DEAF1: variants seen among roughly 807,000 people sequenced by gnomAD.
DEAF1 encodes DEAF1 transcription factor, also known as deformed epidermal autoregulatory factor 1 homolog.
A neutral mutation model predicts 58.9 loss-of-function variants in DEAF1; 53 were observed. The ratio of observed to expected loss-of-function variants is 0.90; its 90% confidence interval spans 0.72 to 1.13. The LOEUF is 1.13. Ranked by LOEUF, DEAF1 falls within the 50% of genes most tolerant of loss-of-function variation. The pLI, the probability that DEAF1 is intolerant of heterozygous loss-of-function variation, is 0.00. For missense variants in DEAF1, 685 were observed against 791.4 expected (o/e 0.87, Z 1.61); for synonymous variants, 385 against 340.4 (o/e 1.13, Z -1.44).
upstream of DEAF1, among the ~76,000 whole-genome samples, chr11:697,137 C>A (rs1038260384): frequency 3.1e-5 from 4 of 130,236 alleles, no homozygotes; most frequent in Non-Finnish European, 6.9e-5. Flanking sequence ...GCCTGTGGTC[C>A]CAGCTACGTG....
Position 644,364 on chromosome 11 carries a change from G to A in DEAF1, c.*186C>T. 1 of 646,234 alleles carries A rather than the reference G, an allele frequency of 1.5e-6. No homozygotes were observed. Among genetic ancestry groups the A allele is most frequent in the East Asian group, 2.7e-5 (1 of 36,542 alleles). 40.0% of individuals were successfully genotyped at this position (646,234 alleles called of 1,614,324 possible). On this transcript the variant is annotated 3_prime_UTR_variant, in exon 12 of 12. Transcript: ENST00000382409. This position sits in a 1 kb window ranked among gnomAD's most constrained non-coding sequence, Gnocchi z 4.3. Reference sequence around the variant, plus strand: ...GTCCGCGAGCGGGCAGGGGGCCCGGGCAGGGGGAGTGCGCTTCCCAGGGCA... The same window carrying A: ...GTCCGCGAGCGGGCAGGGGGCCCGGACAGGGGGAGTGCGCTTCCCAGGGCA...
chr11:695,555 A>G (rs1458382806), upstream of DEAF1: 2 of 1,215,224 alleles, frequency 1.6e-6, no homozygotes, highest in Non-Finnish European at 2.1e-6. Flanking sequence ...CCGCCGGCGG[A>G]AGCCGAGTCA....
chr11:679,638 C>G, intron 8 of DEAF1, 50 bp downstream of exon 8: 1 of 1,604,114 alleles, frequency 6.2e-7, no homozygotes, highest in South Asian at 1.1e-5. Context: ...TGTGATGTCA[C>G]AGACAGGGAT....
At chr11:700,022 T>C, upstream of DEAF1, 3 of 748,968 alleles carry the variant, frequency 4.0e-6, no homozygotes, top group South Asian at 5.1e-5. Flanking sequence ...TTGCCAAGAC[T>C]CCATGGTCCC....
intron 8 of DEAF1, 94 bp from the exon 9 acceptor site, chr11:678,916 A>G: frequency 6.6e-7 from 1 of 1,525,046 alleles, no homozygotes; most frequent in Admixed American, 1.9e-5. Flanking sequence ...TTCAGTACAC[A>G]TAGTAGCTTA....
intron 10 of DEAF1, among the ~76,000 whole-genome samples, chr11:673,746 T>A (rs1859933379): frequency 6.6e-6 from 1 of 152,134 alleles, no homozygotes; most frequent in African/African-American, 2.4e-5. Flanking sequence ...CTCTCTCACC[T>A]TCTCGTCCCC....
intron 11 of DEAF1, among the ~76,000 whole-genome samples, chr11:650,189 A>G (rs1858699926): frequency 6.6e-6 from 1 of 151,948 alleles, no homozygotes; most frequent in Non-Finnish European, 1.5e-5. Context: ...AGCCTGGCCA[A>G]CATGGTGAAA....
chr11:679,569 G>A lies in DEAF1; in HGVS notation c.1126+119C>T. 3.3e-6 allele frequency: 5 copies of A among 1,501,986 alleles called. No homozygotes were observed. In the East Asian group the frequency reaches 6.8e-5, roughly 20 times the overall value. The allele number at this position is 1,501,986 out of a possible 1,614,324, so 93.0% of individuals were successfully genotyped here. ...ACGCTGTCCCCACCAACAAACGCCT[G>A]GTTCAAGGCCCCTCTCGAGGCACCC... On this transcript the variant is annotated intron_variant, in intron 8 of 11. Transcript: ENST00000382409.
At chr11:660,707 G>C (rs1159991396) in intron 10 of DEAF1, among the ~76,000 whole-genome samples, 1 of 152,262 alleles carries the variant, frequency 6.6e-6, no homozygotes, top group Admixed American at 6.5e-5. Context: ...GTTTGATGCG[G>C]AACAGGTGAC....
At chr11:691,412 CG>C (rs1860828910) in intron 2 of DEAF1, 88 bp downstream of exon 2, 1 of 1,215,386 alleles carries the variant, frequency 8.2e-7, no homozygotes, top group Non-Finnish European at 1.2e-6. Context: ...GTTCACACAG[CG>C]GGCTGAACCC....
intron 1 of DEAF1, chr11:701,118 G>A (rs541996477): frequency 4.6e-6 from 1 of 217,328 alleles, no homozygotes; most frequent in East Asian, 1.1e-4. Flanking sequence ...AGAGTCTGGA[G>A]GGGTGGGAGC....
At chr11:673,272 A>T (rs1454923306) in intron 10 of DEAF1, among the ~76,000 whole-genome samples, 1 of 152,250 alleles carries the variant, frequency 6.6e-6, no homozygotes, top group Admixed American at 6.5e-5. Context: ...CACATCTGCA[A>T]TCCCAGTACT....
At position 646,932 on chromosome 11, in the gene DEAF1, T is replaced by C. The variant is rs1214144138; in HGVS notation, c.1594-2278A>G. Among the ~76,000 whole-genome samples the C allele has an allele frequency of 7.9e-5, 12 of 152,102 alleles. 1 individual carries two copies. The highest frequency in any genetic ancestry group is 7.9e-4 in the Admixed American group (12 of 15,234). On this transcript the variant is annotated intron_variant, in intron 11 of 11. Transcript: ENST00000382409. ...AATGACTTCGGGAGGTTGAGGTCAC[T>C]TGAGGTCAGGGGTTGGAGACCAGCC...
intron 10 of DEAF1, among the ~76,000 whole-genome samples, chr11:657,570 C>A (rs1859119333): frequency 6.6e-6 from 1 of 152,164 alleles, no homozygotes; most frequent in African/African-American, 2.4e-5. Flanking sequence ...CGTGGACTTG[C>A]TGCCTGACTA....
intron 6 of DEAF1, among the ~76,000 whole-genome samples, chr11:682,399 A>C (rs529375664): frequency 3.3e-5 from 5 of 152,192 alleles, no homozygotes; most frequent in Non-Finnish European, 7.4e-5. Flanking sequence ...CTGCTGACCT[A>C]CAGTTTAGTT....
intron 10 of DEAF1, among the ~76,000 whole-genome samples, chr11:659,659 C>T (rs552570557): frequency 2.0e-5 from 3 of 152,296 alleles, no homozygotes. Context: ...GCGAGTTGGC[C>T]TCGGGGTTCA....
chr11:681,701 C>T (rs951513057), intron 6 of DEAF1, among the ~76,000 whole-genome samples: 1 of 151,968 alleles, frequency 6.6e-6, no homozygotes, highest in Non-Finnish European at 1.5e-5. Flanking sequence ...TGAGCCACCA[C>T]GCCCGGCCGA....
chr11:686,923 C>A lies in DEAF1; in HGVS notation c.739G>T (p.Ala247Ser). 6.2e-7 allele frequency: 1 copy of A among 1,614,262 alleles called. No homozygotes were observed. Among genetic ancestry groups the A allele is most frequent in the Non-Finnish European group, 8.5e-7 (1 of 1,180,056 alleles). Residue 247 changes from alanine to serine, a missense_variant, in exon 5 of 12, where the codon GCC becomes TCC. Coordinates refer to ENST00000382409, the MANE Select transcript of DEAF1 (RefSeq NM_021008.4). ...PTEFEAMAGRASSKDWKRSIR... is the reference protein window; with the variant it reads ...PTEFEAMAGRSSSKDWKRSIR... The stretch of plus-strand genomic sequence containing the variant: ...CTTCTTTTCCAGTCCTTACTGCTGG[C>A]TCTTCCTGCCATGGCCTCAAACTCG...
chr11:674,363 C>A, intron 10 of DEAF1, 173 bp downstream of exon 10: 1 of 962,268 alleles, frequency 1.0e-6, no homozygotes, highest in Non-Finnish European at 1.6e-6. Context: ...ATAGCTGTCA[C>A]TTTTCTTTAG....
Sources: gnomAD v4.1 joint callset for allele counts (sites outside exome capture counted in the v4.1 genomes callset) on GRCh38, gnomAD v4.1.1 for gene constraint, Gnocchi (gnomAD v3.1) non-coding constraint, MANE v1.5 for transcripts, NCBI Gene and HGNC (gene_info 2026-07-23, HGNC 2026-07-21) for gene names.